ZNF385D: variants seen among roughly 807,000 people sequenced by gnomAD.
ZNF385D encodes the protein zinc finger protein 659.
ZNF385D carries 15 observed loss-of-function variants against 35.8 expected under a neutral mutation model. The observed-to-expected ratio is 0.42, with a 90% CI of 0.28 to 0.64. ZNF385D has a LOEUF of 0.64. Among genes scored for constraint, ZNF385D ranks in the 30% least tolerant of loss-of-function variants. The probability of loss-of-function intolerance (pLI) is 0.23; values close to 1 mark genes in which losing one functional copy is unlikely to be tolerated. For synonymous variants in ZNF385D, 212 were observed against 186.8 expected, an observed-to-expected ratio of 1.13 and a Z score of -1.10; for missense variants, 474 against 494.6, an observed-to-expected ratio of 0.96 and a Z score of 0.39.
chr3:22,170,737 GTATC>G (rs1353049524), intron 2 of ZNF385D, among the ~76,000 whole-genome samples: 2 of 152,060 alleles, frequency 1.3e-5, no homozygotes, highest in African/African-American at 4.8e-5. Context: ...AAAAATGTAA[GTATC>G]TATCCAGGTT....
intron 2 of ZNF385D, among the ~76,000 whole-genome samples, chr3:22,354,693 C>A (rs915384594): frequency 6.6e-6 from 1 of 151,904 alleles, no homozygotes; most frequent in Non-Finnish European, 1.5e-5. Flanking sequence ...TTTATCATAA[C>A]CTTAATTTTA....
intron 3 of ZNF385D, among the ~76,000 whole-genome samples, chr3:22,119,327 G>A (rs1024004454): frequency 2.0e-5 from 3 of 152,100 alleles, no homozygotes; most frequent in African/African-American, 7.2e-5. Context: ...TTATGTCCGA[G>A]GCCAAATCTG....
At chr3:22,192,337 G>A (rs1410190596) in intron 2 of ZNF385D, among the ~76,000 whole-genome samples, 1 of 152,162 alleles carries the variant, frequency 6.6e-6, no homozygotes, top group Non-Finnish European at 1.5e-5. Context: ...AGAAAATGAA[G>A]CTGTTCTAGC....
intron 1 of ZNF385D, among the ~76,000 whole-genome samples, chr3:21,713,559 A>C (rs2068198409): frequency 6.6e-6 from 1 of 151,896 alleles, no homozygotes. Context: ...ACTACCTTCC[A>C]TTGCCACTGT....
chr3:21,854,041 A>G (rs553092019), intron 3 of ZNF385D, among the ~76,000 whole-genome samples: 162 of 152,066 alleles, frequency 1.1e-3, no homozygotes, highest in South Asian at 1.4e-3. Flanking sequence ...ATAAAAAGTA[A>G]TTCAGATGCA....
chr3:22,344,237 A>C (rs1245368368), intron 2 of ZNF385D, among the ~76,000 whole-genome samples: 1 of 151,538 alleles, frequency 6.6e-6, no homozygotes, highest in Admixed American at 6.6e-5. Flanking sequence ...ATCATAATCC[A>C]GTAGAAAAGA....
intron 3 of ZNF385D, among the ~76,000 whole-genome samples, chr3:22,161,662 T>C (rs935288986): frequency 1.3e-5 from 2 of 152,150 alleles, no homozygotes; most frequent in Non-Finnish European, 2.9e-5. Context: ...ATTTCTGGCA[T>C]GATAGAGAAT....
intron 2 of ZNF385D, among the ~76,000 whole-genome samples, chr3:21,623,831 C>A (rs901120593): frequency 6.6e-6 from 1 of 152,066 alleles, no homozygotes; most frequent in Non-Finnish European, 1.5e-5. Context: ...CCCCAATTTA[C>A]CATGACTATT....
intron 1 of ZNF385D, among the ~76,000 whole-genome samples, chr3:21,696,687 G>C (rs2067481639): frequency 6.6e-6 from 1 of 152,194 alleles, no homozygotes; most frequent in Non-Finnish European, 1.5e-5. Flanking sequence ...TGTCCATCAA[G>C]CTTCTACAAT....
chr3:22,124,044 TCTAA>T (rs973408482), intron 3 of ZNF385D, among the ~76,000 whole-genome samples: 1 of 150,682 alleles, frequency 6.6e-6, no homozygotes, highest in African/African-American at 2.4e-5. Context: ...ATTCATTCTA[TCTAA>T]CTATTTTTGT....
intron 3 of ZNF385D, among the ~76,000 whole-genome samples, chr3:21,893,695 A>C (rs75551164): frequency 0.071 from 10,798 of 152,210 alleles, 407 homozygotes; most frequent in Middle Eastern, 0.085. Flanking sequence ...AGTTGCATGG[A>C]AATTGAGAAT....
chr3:21,866,695 A>G, intron 3 of ZNF385D, among the ~76,000 whole-genome samples: 1 of 152,290 alleles, frequency 6.6e-6, no homozygotes, highest in South Asian at 2.1e-4. Flanking sequence ...CTATAGAGTA[A>G]CTTGTTTTGG....
At chr3:22,252,465 ATAT>A (rs1485695338) in intron 2 of ZNF385D, among the ~76,000 whole-genome samples, 2 of 152,068 alleles carry the variant, frequency 1.3e-5, no homozygotes, top group Non-Finnish European at 2.9e-5. Context: ...GTAGATTGTT[ATAT>A]TATTTAATGT....
intron 3 of ZNF385D, among the ~76,000 whole-genome samples, chr3:22,064,576 T>A (rs1699837493): frequency 6.6e-6 from 1 of 152,084 alleles, no homozygotes; most frequent in South Asian, 2.1e-4. Flanking sequence ...GAAAATGGGG[T>A]ACATATCCAC....
chr3:21,639,920 C>T (rs1277646177), intron 2 of ZNF385D, among the ~76,000 whole-genome samples: 1 of 151,996 alleles, frequency 6.6e-6, no homozygotes, highest in Non-Finnish European at 1.5e-5. Context: ...ACATTTCAGA[C>T]ATAGTTTTAT....
intron 3 of ZNF385D, among the ~76,000 whole-genome samples, chr3:21,812,202 T>C (rs1353088314): frequency 1.3e-5 from 2 of 152,202 alleles, no homozygotes; most frequent in Non-Finnish European, 2.9e-5. Flanking sequence ...ACAGATTAAA[T>C]ATTCCTTTAA....
chr3:21,674,937 T>C (rs1173806544), intron 1 of ZNF385D, among the ~76,000 whole-genome samples: 2 of 151,764 alleles, frequency 1.3e-5, no homozygotes, highest in African/African-American at 2.4e-5. Context: ...GATGGATGCA[T>C]GGATGGATGG....
At chr3:22,241,846 T>G (rs1306763706) in intron 2 of ZNF385D, among the ~76,000 whole-genome samples, 2 of 150,594 alleles carry the variant, frequency 1.3e-5, no homozygotes, top group Non-Finnish European at 2.9e-5. Flanking sequence ...ATTTCAAGAG[T>G]ACAGATAACT....
At chr3:22,039,449 T>C (rs1238216600) in intron 3 of ZNF385D, among the ~76,000 whole-genome samples, 1 of 152,104 alleles carries the variant, frequency 6.6e-6, no homozygotes, top group African/African-American at 2.4e-5. Context: ...TGCCCTTATC[T>C]TCCTGTCTCC....
Sources: allele counts gnomAD v4.1 joint callset (sites outside exome capture counted in the v4.1 genomes callset), GRCh38; gene constraint gnomAD v4.1.1; transcripts MANE v1.5; gene names NCBI Gene and HGNC (gene_info 2026-07-23, HGNC 2026-07-21).